R3HCC1L: variants seen among roughly 807,000 people sequenced by gnomAD.
R3HCC1L encodes R3H domain and coiled-coil containing 1 like.
A neutral mutation model predicts 59.9 loss-of-function variants in R3HCC1L; 51 were observed. The ratio of observed to expected loss-of-function variants is 0.85; its 90% CI spans 0.68 to 1.07. The LOEUF is 1.07. R3HCC1L is among the 50% of genes least tolerant of loss of function. The probability of loss-of-function intolerance (pLI) is 0.00; values close to 1 mark genes in which losing one functional copy is unlikely to be tolerated. For missense variants in R3HCC1L, 965 were observed against 933.0 expected (o/e 1.03, Z -0.45); for synonymous variants, 322 against 315.2 (o/e 1.02, Z -0.23).
intron 4 of R3HCC1L, among the ~76,000 whole-genome samples, chr10:98,179,795 G>A (rs1368753600): frequency 4.0e-5 from 6 of 151,800 alleles, no homozygotes; most frequent in African/African-American, 1.5e-4. Flanking sequence ...GTCTTGGGAG[G>A]GTGTATATGT....
At chr10:98,227,881 T>C (rs1429617491) in intron 5 of R3HCC1L, among the ~76,000 whole-genome samples, 1 of 152,160 alleles carries the variant, frequency 6.6e-6, no homozygotes, top group East Asian at 1.9e-4. Flanking sequence ...GGTTTCCAGC[T>C]TCAACCATGT....
chr10:98,228,268 T>C (rs1294884834), intron 5 of R3HCC1L, among the ~76,000 whole-genome samples: 2 of 152,198 alleles, frequency 1.3e-5, no homozygotes, highest in Non-Finnish European at 2.9e-5. Context: ...TTTTAATGAT[T>C]GCCATTCTAA....
intron 9 of R3HCC1L, among the ~76,000 whole-genome samples, chr10:98,239,046 T>C (rs570231148): frequency 3.3e-4 from 51 of 152,334 alleles, no homozygotes; most frequent in African/African-American, 1.1e-3. Flanking sequence ...TGCGTGGCCA[T>C]GGGCAAGTCA....
intron 5 of R3HCC1L, chr10:98,211,337 C>T (rs1198541285): frequency 3.9e-6 from 6 of 1,533,016 alleles, no homozygotes; most frequent in Non-Finnish European, 5.2e-6. Flanking sequence ...GCCCGAGAAC[C>T]ACTGCTCAAA....
At chr10:98,224,588 G>A (rs1486299008) in intron 5 of R3HCC1L, among the ~76,000 whole-genome samples, 1 of 152,130 alleles carries the variant, frequency 6.6e-6, no homozygotes, top group Non-Finnish European at 1.5e-5. Context: ...AGCTAGTTGT[G>A]CATATGAAGG....
intron 4 of R3HCC1L, among the ~76,000 whole-genome samples, chr10:98,183,430 T>C (rs1849865634): frequency 6.6e-6 from 1 of 151,956 alleles, no homozygotes; most frequent in Non-Finnish European, 1.5e-5. Context: ...TAATTGTGGA[T>C]TTTTGTTGTT....
rs554958860 is a variant in R3HCC1L, at chr10:98,199,640, A to T, written c.-14-8461A>T. Among the ~76,000 whole-genome samples, 3 of 152,148 alleles carry T rather than the reference A, an allele frequency of 2.0e-5. No individual in the cohort carries two copies. The East Asian group carries it at 5.8e-4, about 29-fold the overall frequency. ...TCCTCATTAGGAATATACACTTAAG[A>T]GAAATTCTTGCTAATTGAGAAAATT... On this transcript the variant is annotated intron_variant, in intron 4 of 9. Coordinates refer to ENST00000298999, the MANE Select transcript of R3HCC1L (RefSeq NM_001351015.2).
chr10:98,145,027 A>G (rs530683591), intron 1 of R3HCC1L, among the ~76,000 whole-genome samples: 1 of 152,388 alleles, frequency 6.6e-6, no homozygotes, highest in African/African-American at 2.4e-5. Flanking sequence ...GTAAGGAGAT[A>G]GGATTTGTTA....
In R3HCC1L at chr10:98,244,015, C is replaced by G. The variant is rs1452296970; in HGVS notation, c.2270-76C>G. ...CACTTGTCTCATGACTAAAGTTTGCCTTGTAATTTGGATTAAGGGAAAGTC... is the reference window on the plus strand; with the variant it reads ...CACTTGTCTCATGACTAAAGTTTGCGTTGTAATTTGGATTAAGGGAAAGTC... On this transcript the variant is annotated intron_variant, in intron 9 of 9. Coordinates refer to ENST00000298999, the MANE Select transcript of R3HCC1L (RefSeq NM_001351015.2). 2.2e-6 allele frequency: 3 copies of G among 1,340,160 alleles called. No individual in the cohort carries two copies. The African/African-American group carries it at 4.3e-5, about 19-fold the overall frequency. The allele number at this position is 1,340,160 out of a possible 1,614,324, so 83.0% of individuals were successfully genotyped here. A position where few individuals can be genotyped will look rare whatever the true frequency, so the allele number is the denominator to read the frequency against.
chr10:98,175,395 G>T (rs1051328777), intron 4 of R3HCC1L, among the ~76,000 whole-genome samples: 3 of 152,074 alleles, frequency 2.0e-5, no homozygotes, highest in Non-Finnish European at 2.9e-5. Flanking sequence ...ATGCAGTTGT[G>T]TAACTCCCAC....
At chr10:98,179,224 T>G (rs953992663) in intron 4 of R3HCC1L, among the ~76,000 whole-genome samples, 5 of 152,236 alleles carry the variant, frequency 3.3e-5, no homozygotes, top group African/African-American at 1.2e-4. Context: ...CTCATTATTT[T>G]GAGATACATT....
At chr10:98,223,698 G>C (rs1855326896) in intron 5 of R3HCC1L, among the ~76,000 whole-genome samples, 1 of 152,020 alleles carries the variant, frequency 6.6e-6, no homozygotes, top group Non-Finnish European at 1.5e-5. Context: ...GTTAGTGGAA[G>C]CTGTAGTAGA....
rs1852958851 is a variant in R3HCC1L, at chr10:98,208,234, T to C, written c.120T>C (p.Cys40=). The C allele has an allele frequency of 6.2e-7, 1 of 1,613,962 alleles. No homozygotes were observed. Among genetic ancestry groups the C allele is most frequent in the African/African-American group, 1.3e-5 (1 of 74,898 alleles). The change falls in exon 5 of 10, where the codon TGT becomes TGC. Residue 40 remains cysteine, a synonymous_variant. Coordinates refer to ENST00000298999, the MANE Select transcript of R3HCC1L (RefSeq NM_001351015.2). ...AGACAGGTGATGAAGAAGAAAGCTG[T>C]GGTTCACCTAACTCTGTGGTGAAAG... ...LLKTGDEEES[C]GSPNSVVKEK... is the part of the protein sequence containing the mutation.
intron 5 of R3HCC1L, among the ~76,000 whole-genome samples, chr10:98,225,214 G>C (rs1309137563): frequency 2.6e-5 from 4 of 152,164 alleles, no homozygotes; most frequent in Admixed American, 2.6e-4. Context: ...TACATAATCA[G>C]TACATCAGAT....
chr10:98,161,503 G>A (rs1847417220), intron 2 of R3HCC1L, among the ~76,000 whole-genome samples: 1 of 152,008 alleles, frequency 6.6e-6, no homozygotes, highest in African/African-American at 2.4e-5. Flanking sequence ...CCTTTATGTA[G>A]TCCAGTTTTA....
chr10:98,150,161 CTT>C (rs1342423707), intron 1 of R3HCC1L, among the ~76,000 whole-genome samples: 2 of 152,138 alleles, frequency 1.3e-5, no homozygotes, highest in Non-Finnish European at 2.9e-5. Flanking sequence ...ATTTCAATCT[CTT>C]TGTTAAATTT....
At position 98,209,384 on chromosome 10, in the gene R3HCC1L, C is replaced by T. The variant is rs1392335603; in HGVS notation, c.1270C>T (p.Pro424Ser). Residue 424 changes from proline to serine, a missense_variant, in exon 5 of 10, where the codon CCT becomes TCT. Transcript: ENST00000298999. ...KFVGMSADAT[P>S]LHVARSGNDT... ...TGTAGGAATGAGTGCAGATGCAACC[C>T]CTCTTCATGTAGCTAGAAGTGGGAA... is the stretch of plus-strand genomic sequence containing the variant. 1 of 1,613,728 alleles carries T rather than the reference C, an allele frequency of 6.2e-7. No homozygotes were observed. Among genetic ancestry groups the T allele is most frequent in the East Asian group, 2.2e-5 (1 of 44,864 alleles).
chr10:98,229,065 A>G (rs7901578), intron 5 of R3HCC1L, among the ~76,000 whole-genome samples: 145,149 of 151,526 alleles, frequency 0.96, 69,810 homozygotes, highest in East Asian at 1. Flanking sequence ...TTGGCAATGC[A>G]GGCTCTTTTT....
rs145665708 is a variant in R3HCC1L, at chr10:98,201,881, A to ATT, written c.-14-6201_-14-6200dup. Among the ~76,000 whole-genome samples the ATT allele has an allele frequency of 2.7e-3, 392 of 143,382 alleles. 2 individuals are homozygous for ATT. Among genetic ancestry groups the ATT allele is most frequent in the African/African-American group, 9.8e-3 (376 of 38,532 alleles). The allele number at this position is 143,382 out of a possible 152,430, so 94.1% of individuals were successfully genotyped here. A position where few individuals can be genotyped will look rare whatever the true frequency, so the allele number is the denominator to read the frequency against. The stretch of plus-strand genomic sequence containing the variant: ...TTGACCAATGACTATGAAAGATGAG[A>ATT]TTTTTTTTTTTTTTTTTTTTAAAGA... On this transcript the variant is annotated intron_variant, in intron 4 of 9. Coordinates refer to ENST00000298999, the MANE Select transcript of R3HCC1L (RefSeq NM_001351015.2).
Sources: allele counts gnomAD v4.1 joint callset (sites outside exome capture counted in the v4.1 genomes callset), GRCh38; gene constraint gnomAD v4.1.1; transcripts MANE v1.5; gene names NCBI Gene and HGNC (gene_info 2026-07-23, HGNC 2026-07-21).